ANO4: variants seen among roughly 807,000 people sequenced by gnomAD.
ANO4 encodes anoctamin-4.
In ANO4, 69 loss-of-function variants were observed where a neutral mutation model predicts 141.9. That is an observed-to-expected ratio of 0.49 (90% CI 0.40 to 0.59). The LOEUF (loss-of-function observed/expected upper bound fraction) is 0.59. Among genes scored for constraint, ANO4 ranks in the 20% least tolerant of loss-of-function variants. ANO4 has a pLI of 0.00. For missense variants in ANO4, 894 were observed against 1,162.2 expected (o/e 0.77, Z 3.36); for synonymous variants, 350 against 394.3 (o/e 0.89, Z 1.33).
intron 12 of ANO4, among the ~76,000 whole-genome samples, chr12:101,042,989 T>TA (rs531148051): frequency 4.1e-4 from 62 of 152,206 alleles, no homozygotes; most frequent in Non-Finnish European, 7.6e-4. Context: ...AAATTGTAAA[T>TA]ATGCCTTTTA....
At chr12:101,127,494 G>T (rs1389929582) in intron 27 of ANO4, among the ~76,000 whole-genome samples, 3 of 152,152 alleles carry the variant, frequency 2.0e-5, no homozygotes, top group African/African-American at 7.2e-5. Flanking sequence ...CAGAGACCAA[G>T]GTGCAACAGG....
At chr12:100,857,161 A>C (rs1300922131) in intron 1 of ANO4, among the ~76,000 whole-genome samples, 1 of 152,130 alleles carries the variant, frequency 6.6e-6, no homozygotes, top group Non-Finnish European at 1.5e-5. Flanking sequence ...TTTGGAGGTC[A>C]CTGCCAGAGG....
chr12:100,959,323 C>T (rs1433822631), intron 5 of ANO4, among the ~76,000 whole-genome samples: 2 of 152,112 alleles, frequency 1.3e-5, no homozygotes, highest in African/African-American at 4.8e-5. Flanking sequence ...TTGTCTTCCT[C>T]TATCTCTCCT....
chr12:100,937,260 G>T (rs1034863566), intron 3 of ANO4, among the ~76,000 whole-genome samples: 3 of 152,064 alleles, frequency 2.0e-5, no homozygotes, highest in Non-Finnish European at 4.4e-5. Context: ...AGACAGACAA[G>T]GTCCTTGCCC....
At chr12:101,051,713 G>A (rs368338391) in intron 14 of ANO4, among the ~76,000 whole-genome samples, 3 of 152,182 alleles carry the variant, frequency 2.0e-5, no homozygotes, top group African/African-American at 4.8e-5. Context: ...GACAGATAAG[G>A]AAACTGCAGC....
At chr12:101,061,884 A>G (rs900565670) in intron 14 of ANO4, among the ~76,000 whole-genome samples, 5 of 151,970 alleles carry the variant, frequency 3.3e-5, no homozygotes, top group Admixed American at 2.0e-4. Context: ...ACTTCTGTCA[A>G]TTCGTCAAAC....
chr12:100,783,476 T>G (rs2033770406), intron 3 of ANO4, among the ~76,000 whole-genome samples: 1 of 152,200 alleles, frequency 6.6e-6, no homozygotes, highest in Non-Finnish European at 1.5e-5. Flanking sequence ...CCTTTCCAAT[T>G]TGTTTTCTAA....
At chr12:101,061,356 G>A (rs2136730671) in intron 14 of ANO4, among the ~76,000 whole-genome samples, 1 of 151,428 alleles carries the variant, frequency 6.6e-6, no homozygotes, top group Non-Finnish European at 1.5e-5. Context: ...TGACAGTTAT[G>A]TGTCTTGGGG....
At position 101,083,923 on chromosome 12, in the gene ANO4, C is replaced by G. The variant is rs2049382248; in HGVS notation, c.1536+105C>G. 5.2e-6 allele frequency: 6 copies of G among 1,145,228 alleles called. No homozygotes were observed. The Admixed American group carries it at 1.1e-4, about 21-fold the overall frequency. The allele number at this position is 1,145,228 out of a possible 1,614,324, so 70.9% of individuals were successfully genotyped here. A position where few individuals can be genotyped will look rare whatever the true frequency, so the allele number is the denominator to read the frequency against. On this transcript the variant is annotated intron_variant, in intron 16 of 27. Coordinates refer to ENST00000392977, the MANE Select transcript of ANO4 (RefSeq NM_001286615.2). ...CATTGTTCTACAAAATATTTTTGCA[C>G]TTTGTTATTTATTCCTCACAGTAAC...
At chr12:100,971,160 T>A (rs1388495674) in intron 5 of ANO4, 146 bp from the exon 6 acceptor site, 3 of 470,512 alleles carry the variant, frequency 6.4e-6, no homozygotes, top group African/African-American at 5.9e-5. Context: ...AAATGAATAC[T>A]TGCACTTGTA....
intron 1 of ANO4, among the ~76,000 whole-genome samples, chr12:100,805,623 C>T (rs1489643361): frequency 1.3e-5 from 2 of 152,164 alleles, no homozygotes; most frequent in Admixed American, 1.3e-4. Flanking sequence ...TTTGTGTCCT[C>T]TCTTATTTCC....
At chr12:100,778,069 G>A (rs1355632814) in intron 3 of ANO4, among the ~76,000 whole-genome samples, 2 of 151,810 alleles carry the variant, frequency 1.3e-5, no homozygotes, top group African/African-American at 4.8e-5. Flanking sequence ...ACAGGCACCC[G>A]CCACCATGCC....
intron 8 of ANO4, among the ~76,000 whole-genome samples, chr12:101,003,119 C>A (rs1051408899): frequency 1.3e-5 from 2 of 152,222 alleles, no homozygotes; most frequent in African/African-American, 4.8e-5. Context: ...ACAGGATTAT[C>A]ATTGTTAGGT....
intron 24 of ANO4, among the ~76,000 whole-genome samples, chr12:101,113,718 AAG>A (rs2050748710): frequency 6.6e-6 from 1 of 152,218 alleles, no homozygotes; most frequent in African/African-American, 2.4e-5. Context: ...AAGGTATAGA[AAG>A]TCATAAGCCT....
rs80068555 is a variant in ANO4, at chr12:100,835,032, A to G, written c.-141+40005A>G. 8.9e-4 allele frequency among the ~76,000 whole-genome samples: 135 copies of G among 152,290 alleles called. 2 individuals are homozygous for G. The highest frequency in any genetic ancestry group is 6.8e-3 in the Middle Eastern group (2 of 294). ...AACCAGACTACCATAGATGCGACAC[A>G]TGAACAAGATGTGGCCTCTGCTTCC... is the stretch of plus-strand genomic sequence containing the variant. On this transcript the variant is annotated intron_variant, in intron 1 of 27. Coordinates refer to ENST00000392977, the MANE Select transcript of ANO4 (RefSeq NM_001286615.2).
intron 8 of ANO4, among the ~76,000 whole-genome samples, chr12:101,003,633 AGAT>A (rs1482760832): frequency 1.3e-5 from 2 of 152,234 alleles, no homozygotes; most frequent in African/African-American, 4.8e-5. Context: ...TACGGGGCTC[AGAT>A]GATGTCTCAT....
chr12:101,088,928 G>C (rs896239233), intron 17 of ANO4, among the ~76,000 whole-genome samples: 3 of 152,246 alleles, frequency 2.0e-5, no homozygotes, highest in South Asian at 2.1e-4. Flanking sequence ...AAGGTTTGTA[G>C]TGTAAATAAG....
At chr12:101,059,193 T>C (rs1464928333) in intron 14 of ANO4, among the ~76,000 whole-genome samples, 1 of 152,252 alleles carries the variant, frequency 6.6e-6, no homozygotes, top group Non-Finnish European at 1.5e-5. Context: ...GAACCAGCCT[T>C]GCATCCCAGG....
At chr12:100,884,791 T>G (rs1005487478) in intron 1 of ANO4, among the ~76,000 whole-genome samples, 12 of 152,202 alleles carry the variant, frequency 7.9e-5, no homozygotes, top group African/African-American at 2.4e-4. Context: ...GCCTCCCGCA[T>G]TCAAGCGATT....
Sources: gnomAD v4.1 joint callset for allele counts (sites outside exome capture counted in the v4.1 genomes callset) on GRCh38, gnomAD v4.1.1 for gene constraint, MANE v1.5 for transcripts, NCBI Gene and HGNC (gene_info 2026-07-23, HGNC 2026-07-21) for gene names.